The following F13A1 variants were observed in gnomAD, a reference collection of about 807,000 sequenced individuals.
The protein encoded by F13A1 is FSF, A subunit.
Under a neutral mutation model 80.1 loss-of-function variants are expected in F13A1, and 47 were observed. That is an observed-to-expected ratio of 0.59 (90% confidence interval 0.46 to 0.75). The LOEUF is 0.75. Among genes scored for constraint, F13A1 ranks in the 30% least tolerant of loss-of-function variants. The pLI, the probability that F13A1 is intolerant of heterozygous loss-of-function variation, is 0.00. For synonymous variants in F13A1, 349 were observed against 344.9 expected, an observed-to-expected ratio of 1.01 and a Z score of -0.13; for missense variants, 817 against 930.4, an observed-to-expected ratio of 0.88 and a Z score of 1.59.
At chr6:6,305,598 A>G in intron 2 of F13A1, 59 bp from the exon 3 acceptor site, 4 of 1,561,944 alleles carry the variant, frequency 2.6e-6, no homozygotes, top group Non-Finnish European at 3.5e-6. Flanking sequence ...GTTTAAACAT[A>G]AACTCAAAAA....
chr6:6,230,974 C>G (rs557883858), intron 6 of F13A1, among the ~76,000 whole-genome samples: 44 of 152,314 alleles, frequency 2.9e-4, no homozygotes, highest in Admixed American at 6.5e-4. Context: ...TCTGACAGAG[C>G]CTACCCAGAT....
intron 6 of F13A1, among the ~76,000 whole-genome samples, chr6:6,233,992 A>C (rs1757384590): frequency 6.6e-6 from 1 of 152,174 alleles, no homozygotes; most frequent in Non-Finnish European, 1.5e-5. Context: ...AGCCAACATA[A>C]TACTGAATGA....
At chr6:6,304,278 C>A (rs1490640066) in intron 3 of F13A1, among the ~76,000 whole-genome samples, 1 of 151,968 alleles carries the variant, frequency 6.6e-6, no homozygotes, top group Non-Finnish European at 1.5e-5. Flanking sequence ...CTGAATTTTA[C>A]CATGTACCTT....
chr6:6,163,329 C>T lies in F13A1; in HGVS notation c.1908+4129G>A, dbSNP rs147072210. 1.3e-3 allele frequency among the ~76,000 whole-genome samples: 202 copies of T among 152,286 alleles called. 3 individuals carry two copies. The highest frequency in any genetic ancestry group is 2.2e-4 in the Non-Finnish European group (15 of 68,024). ...GCATTTAGCTCCCTTTCCAAGTCCT[C>T]ATTTTTAAAAAACCTTTTATTTTAA... On this transcript the variant is annotated intron_variant, in intron 13 of 14. Transcript: ENST00000264870.
At chr6:6,177,049 G>A (rs568495291) in intron 11 of F13A1, among the ~76,000 whole-genome samples, 48 of 152,284 alleles carry the variant, frequency 3.2e-4, no homozygotes, top group Non-Finnish European at 6.0e-4. Flanking sequence ...GCCTGGCAGA[G>A]TAATTCCTGT....
At chr6:6,154,288 A>G (rs1760436996) in intron 13 of F13A1, among the ~76,000 whole-genome samples, 1 of 152,218 alleles carries the variant, frequency 6.6e-6, no homozygotes, top group Admixed American at 6.5e-5. Flanking sequence ...CAGGCAAACT[A>G]GAACATGAAC....
In F13A1 at chr6:6,299,095, G is replaced by C. The variant is rs1241366991; in HGVS notation, c.319+6256C>G. ...ATTGGCCCCCACTCTCTTCTGGCTT[G>C]TAGGGTTTCTGCCGAGAGATCCGCT... is the stretch of plus-strand genomic sequence containing the variant. On this transcript the variant is annotated intron_variant, in intron 3 of 14. Coordinates refer to ENST00000264870, the MANE Select transcript of F13A1 (RefSeq NM_000129.4). Among the ~76,000 whole-genome samples the C allele has an allele frequency of 1.3e-3, 192 of 144,544 alleles. 3 individuals are homozygous for C. Among genetic ancestry groups the C allele is most frequent in the Middle Eastern group, 0.01 (3 of 290 alleles). 94.8% of individuals were successfully genotyped at this position (144,544 alleles called of 152,430 possible). A position where few individuals can be genotyped will look rare whatever the true frequency, so the allele number is the denominator to read the frequency against.
chr6:6,188,363 G>C (rs1261911297), intron 10 of F13A1, among the ~76,000 whole-genome samples: 1 of 139,852 alleles, frequency 7.2e-6, no homozygotes, highest in Non-Finnish European at 1.5e-5. Context: ...GGCATTTAGT[G>C]CTATAAATTT....
chr6:6,159,311 G>A (rs1378263625), intron 13 of F13A1, among the ~76,000 whole-genome samples: 1 of 152,120 alleles, frequency 6.6e-6, no homozygotes, highest in East Asian at 1.9e-4. Flanking sequence ...CCATCCCGGT[G>A]GGTTTCCAGG....
At chr6:6,212,108 G>A (rs991629218) in intron 8 of F13A1, among the ~76,000 whole-genome samples, 5 of 152,344 alleles carry the variant, frequency 3.3e-5, no homozygotes, top group South Asian at 2.1e-4. Flanking sequence ...GCGGAGGGGC[G>A]CCCGCCATTG....
chr6:6,260,717 T>C (rs1279054752), intron 4 of F13A1, among the ~76,000 whole-genome samples: 2 of 152,108 alleles, frequency 1.3e-5, no homozygotes, highest in African/African-American at 4.8e-5. Flanking sequence ...AAAATGGTGT[T>C]CAGGGCCCAA....
At chr6:6,234,024 C>T (rs1345208659) in intron 6 of F13A1, among the ~76,000 whole-genome samples, 1 of 152,082 alleles carries the variant, frequency 6.6e-6, no homozygotes, top group African/African-American at 2.4e-5. Context: ...AAGCCATTTC[C>T]TCTGAGAACT....
At chr6:6,264,855 C>A (rs1320066117) in intron 4 of F13A1, among the ~76,000 whole-genome samples, 10 of 152,150 alleles carry the variant, frequency 6.6e-5, no homozygotes, top group Non-Finnish European at 1.2e-4. Context: ...TTACCATTTA[C>A]CTTGAATATC....
chr6:6,173,709 CTA>C (rs1760818506), intron 12 of F13A1, among the ~76,000 whole-genome samples: 1 of 152,124 alleles, frequency 6.6e-6, no homozygotes, highest in Non-Finnish European at 1.5e-5. Context: ...AAGAAGCGGC[CTA>C]TGTCAGCGCG....
intron 12 of F13A1, among the ~76,000 whole-genome samples, chr6:6,170,164 G>A (rs929591354): frequency 6.6e-6 from 1 of 152,206 alleles, no homozygotes; most frequent in African/African-American, 2.4e-5. Context: ...CCTCGAAGAA[G>A]ATGCCTTTTG....
At chr6:6,175,469 G>A (rs1296148394) in intron 11 of F13A1, among the ~76,000 whole-genome samples, 1 of 152,110 alleles carries the variant, frequency 6.6e-6, no homozygotes, top group African/African-American at 2.4e-5. Context: ...ATGGCAGAAG[G>A]TTCTACCAAA....
intron 13 of F13A1, among the ~76,000 whole-genome samples, chr6:6,161,801 C>T (rs1760581388): frequency 2.0e-5 from 3 of 152,072 alleles, no homozygotes; most frequent in Admixed American, 6.5e-5. Context: ...AGCCCAGGCC[C>T]CATCTTTATC....
At chr6:6,227,780 A>AAT (rs1459053640) in intron 6 of F13A1, among the ~76,000 whole-genome samples, 1 of 152,206 alleles carries the variant, frequency 6.6e-6, no homozygotes, top group East Asian at 1.9e-4. Flanking sequence ...GGCTGAACTC[A>AAT]ATCAGCTAAG....
chr6:6,287,833 C>T lies in F13A1; in HGVS notation c.319+17518G>A, dbSNP rs375245242. ...AGGCAGAACTTGGCCTGTGGATTGT[C>T]AGAGCCCCTATGTGACTAATGAAGC... is the stretch of plus-strand genomic sequence containing the variant. On this transcript the variant is annotated intron_variant, in intron 3 of 14. Coordinates refer to ENST00000264870, the MANE Select transcript of F13A1 (RefSeq NM_000129.4). Among the ~76,000 whole-genome samples, 8 of 152,286 alleles carry T rather than the reference C, an allele frequency of 5.3e-5. No homozygotes were observed. In the East Asian group the frequency reaches 1.4e-3, roughly 26 times the overall value.
Sources: allele counts gnomAD v4.1 joint callset (sites outside exome capture counted in the v4.1 genomes callset), GRCh38; gene constraint gnomAD v4.1.1; transcripts MANE v1.5; gene names NCBI Gene and HGNC (gene_info 2026-07-23, HGNC 2026-07-21).